TNIK: variants seen among roughly 807,000 people sequenced by gnomAD.
TNIK encodes TRAF2 and NCK interacting kinase.
TNIK carries 49 observed loss-of-function variants against 191.3 expected under a neutral mutation model. The observed-to-expected ratio is 0.26, with a 90% CI of 0.20 to 0.32. The LOEUF is 0.32. Ranked by LOEUF, TNIK falls within the 10% of genes least tolerant of loss-of-function variation. The pLI is 1.00. For missense variants in TNIK, 1,155 were observed against 1,702.3 expected (o/e 0.68, Z 5.66); for synonymous variants, 594 against 600.9 (o/e 0.99, Z 0.17).
chr3:171,136,069 C>A (rs2108612839), intron 15 of TNIK, among the ~76,000 whole-genome samples: 1 of 152,294 alleles, frequency 6.6e-6, no homozygotes, highest in East Asian at 1.9e-4. Flanking sequence ...CTGTTTCATG[C>A]TTTTCCCCCT....
At chr3:171,379,979 A>G (rs1717794330) in intron 1 of TNIK, among the ~76,000 whole-genome samples, 1 of 151,976 alleles carries the variant, frequency 6.6e-6, no homozygotes, top group South Asian at 2.1e-4. Flanking sequence ...ACTGCACTCC[A>G]GCCTGAGCGA....
intron 4 of TNIK, among the ~76,000 whole-genome samples, chr3:171,206,132 T>A (rs192257064): frequency 2.5e-4 from 38 of 152,268 alleles, no homozygotes; most frequent in African/African-American, 9.1e-4. Context: ...ACAGCAAGAA[T>A]GTAAGCTGCA....
At chr3:171,288,487 C>T (rs1455981624) in intron 2 of TNIK, among the ~76,000 whole-genome samples, 1 of 152,020 alleles carries the variant, frequency 6.6e-6, no homozygotes, top group Non-Finnish European at 1.5e-5. Context: ...ATTCAGGAGC[C>T]ACGGACAACA....
intron 2 of TNIK, among the ~76,000 whole-genome samples, chr3:171,276,759 T>G (rs1238923651): frequency 6.6e-6 from 1 of 152,192 alleles, no homozygotes; most frequent in Non-Finnish European, 1.5e-5. Flanking sequence ...AGATACTGTT[T>G]GGTAATAAAA....
At chr3:171,235,746 T>C (rs1560301031) in intron 2 of TNIK, among the ~76,000 whole-genome samples, 1 of 142,370 alleles carries the variant, frequency 7.0e-6, no homozygotes. Flanking sequence ...GTTGTTGTTG[T>C]TTTTGTTTTG....
At position 171,161,261 on chromosome 3, in the gene TNIK, C is replaced by G. The variant is rs774021396; in HGVS notation, c.1016+9G>C. On this transcript the variant is annotated intron_variant, in intron 11 of 32. Transcript: ENST00000436636. ...TGAACATTAGAAGACTTGGCTTTTG[C>G]TCTCATACCTGGGCTCTCCTGAGTC... 7 of 1,611,286 alleles carry G rather than the reference C, an allele frequency of 4.3e-6. No homozygotes were observed. In the South Asian group the frequency reaches 6.6e-5, roughly 15 times the overall value.
chr3:171,060,836 G>T lies in TNIK; in HGVS notation c.*3045C>A, dbSNP rs1204323999. Among the ~76,000 whole-genome samples the T allele has an allele frequency of 6.6e-6, 1 of 152,158 alleles. No homozygotes were observed. The highest frequency in any genetic ancestry group is 1.5e-5 in the Non-Finnish European group (1 of 68,030). On this transcript the variant is annotated 3_prime_UTR_variant, in exon 33 of 33. Coordinates refer to ENST00000436636, the MANE Select transcript of TNIK (RefSeq NM_015028.4). ...CCAGACCCCAGACCCAGACTATGGT[G>T]TGGGCAGGCTCAGTAGATTTTACTG...
chr3:171,382,995 C>T (rs531422434), intron 1 of TNIK, among the ~76,000 whole-genome samples: 1 of 152,250 alleles, frequency 6.6e-6, no homozygotes, highest in African/African-American at 2.4e-5. Context: ...AGACATTATG[C>T]AGGGTATTTT....
chr3:171,279,877 A>C (rs1362409085), intron 2 of TNIK, among the ~76,000 whole-genome samples: 2 of 152,134 alleles, frequency 1.3e-5, no homozygotes, highest in Non-Finnish European at 2.9e-5. Flanking sequence ...GGATTCAAAC[A>C]CATGTAGTCT....
At chr3:171,235,420 T>A (rs1470236922) in intron 2 of TNIK, among the ~76,000 whole-genome samples, 1 of 152,148 alleles carries the variant, frequency 6.6e-6, no homozygotes, top group African/African-American at 2.4e-5. Context: ...GGCGACAAAG[T>A]ATGTACATGC....
At chr3:171,180,574 T>C (rs958625061) in intron 7 of TNIK, among the ~76,000 whole-genome samples, 1 of 152,180 alleles carries the variant, frequency 6.6e-6, no homozygotes, top group Non-Finnish European at 1.5e-5. Flanking sequence ...ATTGAATGAA[T>C]GAACAAATGA....
chr3:171,385,641 G>T (rs1718626383), intron 1 of TNIK, among the ~76,000 whole-genome samples: 1 of 152,108 alleles, frequency 6.6e-6, no homozygotes, highest in African/African-American at 2.4e-5. Flanking sequence ...AATACCTGCA[G>T]GATTTGGGTA....
chr3:171,193,011 G>A (rs1577081825), intron 5 of TNIK, among the ~76,000 whole-genome samples: 1 of 152,178 alleles, frequency 6.6e-6, no homozygotes, highest in African/African-American at 2.4e-5. Context: ...TTTTGAATAT[G>A]GTATGTAGCA....
chr3:171,166,164 A>T (rs181882453), intron 10 of TNIK, among the ~76,000 whole-genome samples: 1 of 152,284 alleles, frequency 6.6e-6, no homozygotes, highest in East Asian at 1.9e-4. Context: ...ATGACTCATG[A>T]GTTGTTAATT....
intron 2 of TNIK, among the ~76,000 whole-genome samples, chr3:171,276,727 T>C (rs1364267100): frequency 6.6e-6 from 1 of 152,126 alleles, no homozygotes; most frequent in African/African-American, 2.4e-5. Flanking sequence ...AGAGCCTAAT[T>C]TTACAAAGTA....
At chr3:171,346,032 T>C (rs1470787149) in intron 2 of TNIK, among the ~76,000 whole-genome samples, 1 of 151,808 alleles carries the variant, frequency 6.6e-6, no homozygotes, top group African/African-American at 2.4e-5. Context: ...GAGGGTGGGG[T>C]GTTATTTTCT....
Position 171,414,907 on chromosome 3 carries a change from G to A in TNIK, c.57+45100C>T, listed in dbSNP as rs544119619. Among the ~76,000 whole-genome samples, 25 of 152,206 alleles carry A rather than the reference G, an allele frequency of 1.6e-4. 1 individual carries two copies. The South Asian group carries it at 4.8e-3, about 29-fold the overall frequency. ...TTAAACTAGCCATTTTCAGTCTTTC[G>A]AGCCTGTTTTCCTAGAAGTAGAGTA... On this transcript the variant is annotated intron_variant, in intron 1 of 32. Transcript: ENST00000436636.
At chr3:171,218,210 G>T (rs1124183) in intron 3 of TNIK, among the ~76,000 whole-genome samples, 1 of 151,904 alleles carries the variant, frequency 6.6e-6, no homozygotes, top group South Asian at 2.1e-4. Flanking sequence ...GATATTCCAC[G>T]AGACTGACAC....
intron 2 of TNIK, among the ~76,000 whole-genome samples, chr3:171,240,763 C>T (rs1202319631): frequency 1.3e-4 from 20 of 152,224 alleles, no homozygotes; most frequent in Non-Finnish European, 2.4e-4. Context: ...TTCAACTCCA[C>T]TTTAACTCTT....
Sources: gnomAD v4.1 joint callset for allele counts (sites outside exome capture counted in the v4.1 genomes callset) on GRCh38, gnomAD v4.1.1 for gene constraint, MANE v1.5 for transcripts, NCBI Gene and HGNC (gene_info 2026-07-23, HGNC 2026-07-21) for gene names.